LY86: variants seen among roughly 807,000 people sequenced by gnomAD.
The protein encoded by LY86 is lymphocyte antigen 86.
LY86 carries 20 observed loss-of-function variants against 17.3 expected under a neutral mutation model. That is an observed-to-expected ratio of 1.15 (90% CI 0.81 to 1.68). The LOEUF is 1.68. LY86 is among the 40% of genes most tolerant of loss of function. The pLI, the probability that LY86 is intolerant of heterozygous loss-of-function variation, is 0.00. For missense variants in LY86, 200 were observed against 191.9 expected (o/e 1.04, Z -0.25); for synonymous variants, 74 against 70.6 (o/e 1.05, Z -0.24).
intron 3 of LY86, among the ~76,000 whole-genome samples, chr6:6,644,289 C>A (rs1762080061): frequency 6.6e-6 from 1 of 152,076 alleles, no homozygotes; most frequent in Non-Finnish European, 1.5e-5. Flanking sequence ...TTTGGGAGGC[C>A]AAGGTGGGTG....
Position 6,612,485 on chromosome 6 carries a change from T to C in LY86, c.137-12441T>C, listed in dbSNP as rs988656150. On this transcript the variant is annotated intron_variant, in intron 1 of 4. Transcript: ENST00000230568. Reference sequence around the variant, plus strand: ...TCATAAAAGCAATGCAGACCCAAAGTGTAAACAACAAAAACACTTACTGCA... The same window carrying C: ...TCATAAAAGCAATGCAGACCCAAAGCGTAAACAACAAAAACACTTACTGCA... Among the ~76,000 whole-genome samples the C allele has an allele frequency of 1.2e-4, 18 of 151,692 alleles. 1 individual carries two copies. Among genetic ancestry groups the C allele is most frequent in the South Asian group, 1.0e-3 (5 of 4,780 alleles).
At chr6:6,618,808 C>G (rs1330431541) in intron 1 of LY86, among the ~76,000 whole-genome samples, 1 of 152,016 alleles carries the variant, frequency 6.6e-6, no homozygotes, top group Non-Finnish European at 1.5e-5. Context: ...CATTGGGGAG[C>G]CTTGCTGTGC....
At chr6:6,615,165 G>C (rs577225383) in intron 1 of LY86, among the ~76,000 whole-genome samples, 21 of 152,166 alleles carry the variant, frequency 1.4e-4, no homozygotes, top group African/African-American at 4.8e-4. Context: ...TTTCAAACTA[G>C]GCAAGGCAAG....
At chr6:6,617,206 C>G (rs1456652510) in intron 1 of LY86, among the ~76,000 whole-genome samples, 2 of 152,234 alleles carry the variant, frequency 1.3e-5, no homozygotes, top group African/African-American at 4.8e-5. Context: ...CGCTACTTAA[C>G]CAATAGTAGG....
chr6:6,602,110 A>AT (rs1204472697), intron 1 of LY86, among the ~76,000 whole-genome samples: 1 of 152,206 alleles, frequency 6.6e-6, no homozygotes, highest in Non-Finnish European at 1.5e-5. Context: ...TCCAGGAAAC[A>AT]TCCTTCAGTT....
chr6:6,639,891 C>G (rs190994231), intron 3 of LY86, among the ~76,000 whole-genome samples: 1 of 152,210 alleles, frequency 6.6e-6, no homozygotes, highest in African/African-American at 2.4e-5. Context: ...TGAAAAGGCC[C>G]AAAACTGTGT....
At chr6:6,599,723 G>A in intron 1 of LY86, among the ~76,000 whole-genome samples, 1 of 152,322 alleles carries the variant, frequency 6.6e-6, no homozygotes, top group Non-Finnish European at 1.5e-5. Flanking sequence ...GTTCAGGCAA[G>A]ATAAAGAGCC....
chr6:6,618,537 GGCAGCCA>G (rs767497483), intron 1 of LY86, among the ~76,000 whole-genome samples: 7 of 152,092 alleles, frequency 4.6e-5, no homozygotes, highest in Admixed American at 6.5e-5. Context: ...AAGGTTGCCA[GGCAGCCA>G]GCAGGATGTT....
At chr6:6,654,094 C>A (rs1457858052) in intron 4 of LY86, among the ~76,000 whole-genome samples, 1 of 151,952 alleles carries the variant, frequency 6.6e-6, no homozygotes, top group African/African-American at 2.4e-5. Flanking sequence ...CCCCCCCCAT[C>A]CCCCCACTCC....
chr6:6,645,469 C>T (rs938365312), intron 3 of LY86, among the ~76,000 whole-genome samples: 9 of 151,986 alleles, frequency 5.9e-5, no homozygotes, highest in Admixed American at 5.9e-4. Context: ...AGCAAATTGC[C>T]CAACATCACT....
At chr6:6,645,422 G>A (rs4960225) in intron 3 of LY86, among the ~76,000 whole-genome samples, 9,939 of 151,998 alleles carry the variant, frequency 0.065, 715 homozygotes, top group East Asian at 0.22. Context: ...TTGCTATTTC[G>A]ATTTGCAAGC....
intron 1 of LY86, among the ~76,000 whole-genome samples, chr6:6,617,620 C>T (rs1561785794): frequency 6.6e-6 from 1 of 152,168 alleles, no homozygotes; most frequent in African/African-American, 2.4e-5. Flanking sequence ...ACCTAATCCC[C>T]TTCCTATCAC....
chr6:6,648,865 G>GC (rs1762145419), intron 3 of LY86, among the ~76,000 whole-genome samples: 1 of 151,998 alleles, frequency 6.6e-6, no homozygotes, highest in African/African-American at 2.4e-5. Context: ...ATCCAGCCTG[G>GC]CCCCTCCCCC....
intron 3 of LY86, among the ~76,000 whole-genome samples, chr6:6,629,129 T>A (rs1053637786): frequency 3.9e-5 from 6 of 152,246 alleles, no homozygotes; most frequent in African/African-American, 1.4e-4. Flanking sequence ...TTATCTGCTT[T>A]ATTGCAATGG....
chr6:6,639,500 A>G (rs1394860165), intron 3 of LY86, among the ~76,000 whole-genome samples: 3 of 152,298 alleles, frequency 2.0e-5, no homozygotes, highest in African/African-American at 7.2e-5. Flanking sequence ...CTAGCATCAA[A>G]GTATCATAGA....
At chr6:6,616,935 C>A (rs1761569508) in intron 1 of LY86, among the ~76,000 whole-genome samples, 1 of 152,214 alleles carries the variant, frequency 6.6e-6, no homozygotes, top group African/African-American at 2.4e-5. Flanking sequence ...GTGTGAGTGT[C>A]ACCAGTGTCA....
intron 4 of LY86, among the ~76,000 whole-genome samples, chr6:6,650,064 C>T (rs1013491849): frequency 2.6e-5 from 4 of 152,018 alleles, no homozygotes; most frequent in African/African-American, 9.7e-5. Flanking sequence ...GTGCTGGGAC[C>T]GAGCTCAGGA....
intron 1 of LY86, among the ~76,000 whole-genome samples, chr6:6,603,605 G>A (rs55990342): frequency 0.41 from 42,208 of 103,336 alleles, 10,098 homozygotes; most frequent in Non-Finnish European, 0.5. Flanking sequence ...AACAGAAACA[G>A]AAAAAAAAAC....
intron 1 of LY86, among the ~76,000 whole-genome samples, chr6:6,611,226 C>T (rs557702544): frequency 3.7e-4 from 56 of 152,346 alleles, no homozygotes; most frequent in African/African-American, 1.3e-3. Context: ...TCCCAGAATA[C>T]ACAGTCTTTG....
Sources: gnomAD v4.1 joint callset for allele counts (sites outside exome capture counted in the v4.1 genomes callset) on GRCh38, gnomAD v4.1.1 for gene constraint, MANE v1.5 for transcripts, NCBI Gene and HGNC (gene_info 2026-07-23, HGNC 2026-07-21) for gene names.